Variants in KAZN observed in about 807,000 individuals in gnomAD.
KAZN encodes kazrin, periplakin interacting protein.
KAZN carries 40 observed loss-of-function variants against 87.4 expected under a neutral mutation model. That is an observed-to-expected ratio of 0.46 (90% confidence interval 0.36 to 0.60). The LOEUF (loss-of-function observed/expected upper bound fraction) is 0.60, where lower values mean the gene tolerates loss of function less well. Among genes scored for constraint, KAZN ranks in the 20% least tolerant of loss-of-function variants. The pLI is 0.00. For synonymous variants in KAZN, 466 were observed against 458.3 expected, an observed-to-expected ratio of 1.02 and a Z score of -0.22; for missense variants, 898 against 1,073.9, an observed-to-expected ratio of 0.84 and a Z score of 2.29.
intron 2 of KAZN, among the ~76,000 whole-genome samples, chr1:15,000,149 A>C (rs1668317908): frequency 6.6e-6 from 1 of 151,670 alleles, no homozygotes; most frequent in African/African-American, 2.4e-5. Flanking sequence ...AGGAGATGTG[A>C]GACTGGAAAA....
At chr1:14,729,265 T>G (rs1277488366) in intron 1 of KAZN, among the ~76,000 whole-genome samples, 1 of 152,184 alleles carries the variant, frequency 6.6e-6, no homozygotes, top group African/African-American at 2.4e-5. Context: ...AGAGACTTAG[T>G]GACCCTTGCT....
At chr1:14,801,891 A>G (rs1399056407) in intron 1 of KAZN, among the ~76,000 whole-genome samples, 1 of 151,768 alleles carries the variant, frequency 6.6e-6, no homozygotes, top group Admixed American at 6.6e-5. Context: ...TCACCATGTT[A>G]GCCAGTATGG....
chr1:14,425,023 A>G (rs990362694), intron 2 of KAZN, among the ~76,000 whole-genome samples: 5 of 152,264 alleles, frequency 3.3e-5, no homozygotes, highest in African/African-American at 1.2e-4. Flanking sequence ...TTAACAAAAC[A>G]GAGCTTGAAG....
Position 15,040,872 on chromosome 1 carries a change from C to T in KAZN, c.556-3117C>T, listed in dbSNP as rs540355223. ...TGTGCCAAATGCACTTTCCCTGTCA[C>T]GTGACTGCAGATGGAAGGGAAACAG... On this transcript the variant is annotated intron_variant, in intron 3 of 14. Transcript: ENST00000376030. Among the ~76,000 whole-genome samples the T allele has an allele frequency of 7.2e-5, 11 of 152,212 alleles. 1 individual carries two copies. Among genetic ancestry groups the T allele is most frequent in the African/African-American group, 2.4e-4 (10 of 41,544 alleles).
At chr1:14,527,604 G>A (rs995937181) in intron 2 of KAZN, among the ~76,000 whole-genome samples, 3 of 151,462 alleles carry the variant, frequency 2.0e-5, no homozygotes, top group Non-Finnish European at 4.4e-5. Flanking sequence ...TGCAGACTGA[G>A]CAAGAAACAA....
At chr1:14,716,396 A>G (rs1642794271) in intron 1 of KAZN, among the ~76,000 whole-genome samples, 1 of 152,028 alleles carries the variant, frequency 6.6e-6, no homozygotes, top group Admixed American at 6.6e-5. Context: ...CCTCTCCCTC[A>G]CTTGAGGGCA....
intron 1 of KAZN, 80 bp from the exon 2 acceptor site, chr1:14,960,604 C>G: frequency 5.5e-6 from 8 of 1,456,962 alleles, no homozygotes; most frequent in Non-Finnish European, 6.5e-6. Flanking sequence ...AAAGCCAAAG[C>G]CACCTCAAAC....
intron 1 of KAZN, among the ~76,000 whole-genome samples, chr1:14,676,537 G>A (rs992331163): frequency 2.0e-5 from 3 of 152,160 alleles, no homozygotes; most frequent in African/African-American, 7.2e-5. Flanking sequence ...CTAAAAAGTG[G>A]AGACAACCCA....
chr1:14,238,452 G>A (rs1057126624), intron 2 of KAZN, among the ~76,000 whole-genome samples: 2 of 152,212 alleles, frequency 1.3e-5, no homozygotes, highest in South Asian at 4.1e-4. Context: ...AGTGAATTCA[G>A]TTAACAGGAG....
intron 1 of KAZN, among the ~76,000 whole-genome samples, chr1:14,726,157 GCCA>G (rs1428582550): frequency 6.6e-6 from 1 of 152,208 alleles, no homozygotes; most frequent in Admixed American, 6.5e-5. Context: ...TGCAGGAAAG[GCCA>G]CCAACAGGGA....
chr1:14,858,789 A>G (rs1572665311), intron 1 of KAZN, among the ~76,000 whole-genome samples: 2 of 152,338 alleles, frequency 1.3e-5, no homozygotes, highest in East Asian at 3.9e-4. Context: ...GCTTGCATTG[A>G]GAGACCTTAA....
At chr1:14,726,435 G>A (rs1437048267) in intron 1 of KAZN, among the ~76,000 whole-genome samples, 2 of 152,156 alleles carry the variant, frequency 1.3e-5, no homozygotes, top group South Asian at 2.1e-4. Context: ...GGTGTGGAGC[G>A]GCTTCCGGGT....
chr1:15,071,879 A>T (rs1333758346), intron 8 of KAZN, among the ~76,000 whole-genome samples: 1 of 152,186 alleles, frequency 6.6e-6, no homozygotes. Flanking sequence ...AGGTTTTGAA[A>T]ATTCCTTGTT....
chr1:14,502,518 G>C (rs540009989), intron 2 of KAZN, among the ~76,000 whole-genome samples: 2 of 152,240 alleles, frequency 1.3e-5, no homozygotes, highest in Non-Finnish European at 2.9e-5. Flanking sequence ...GAAACCATGA[G>C]CTCTCTTCTT....
chr1:14,446,267 T>C (rs1422144752), intron 2 of KAZN, among the ~76,000 whole-genome samples: 6 of 152,100 alleles, frequency 3.9e-5, no homozygotes, highest in Non-Finnish European at 8.8e-5. Context: ...AATGACAGCA[T>C]TGGCCACACA....
intron 1 of KAZN, among the ~76,000 whole-genome samples, chr1:14,741,771 C>A (rs887541785): frequency 1.3e-5 from 2 of 152,158 alleles, no homozygotes; most frequent in African/African-American, 4.8e-5. Context: ...GACAAAAACT[C>A]TTTCAAGGCA....
intron 1 of KAZN, among the ~76,000 whole-genome samples, chr1:14,063,909 G>A (rs1363627851): frequency 6.6e-6 from 1 of 152,006 alleles, no homozygotes; most frequent in African/African-American, 2.4e-5. Flanking sequence ...ATGATTGTGA[G>A]GCCTCCCCAG....
At chr1:14,537,574 T>C (rs946734) in intron 2 of KAZN, among the ~76,000 whole-genome samples, 143,229 of 152,232 alleles carry the variant, frequency 0.94, 67,598 homozygotes, top group South Asian at 0.99. Context: ...CTCAGTAGCC[T>C]GAGTGTGGTC....
At chr1:15,051,677 G>C (rs1438036578) in intron 4 of KAZN, among the ~76,000 whole-genome samples, 2 of 152,188 alleles carry the variant, frequency 1.3e-5, no homozygotes, top group Non-Finnish European at 2.9e-5. Context: ...CCTACCTTGG[G>C]ATCCCACAGC....
Sources: allele counts gnomAD v4.1 joint callset (sites outside exome capture counted in the v4.1 genomes callset), GRCh38; gene constraint gnomAD v4.1.1; transcripts MANE v1.5; gene names NCBI Gene and HGNC (gene_info 2026-07-23, HGNC 2026-07-21).